The following PCCA variants were observed in gnomAD, a reference collection of about 807,000 sequenced individuals.
PCCA encodes the protein propionyl-CoA carboxylase alpha chain, mitochondrial.
In PCCA, 74 loss-of-function variants were observed where a neutral mutation model predicts 101.3. That is an observed-to-expected ratio of 0.73 (90% CI 0.61 to 0.89). The LOEUF is 0.89. Among genes scored for constraint, PCCA ranks in the 40% least tolerant of loss-of-function variants. PCCA has a pLI of 0.00. For synonymous variants in PCCA, 294 were observed against 313.6 expected, an observed-to-expected ratio of 0.94 and a Z score of 0.66; for missense variants, 891 against 907.0, an observed-to-expected ratio of 0.98 and a Z score of 0.23.
At chr13:100,385,704 C>T (rs911448951) in intron 19 of PCCA, among the ~76,000 whole-genome samples, 5 of 152,142 alleles carry the variant, frequency 3.3e-5, no homozygotes, top group Admixed American at 6.5e-5. Flanking sequence ...CTGACTGCAA[C>T]GTCGGCCTCC....
chr13:100,192,225 A>G (rs1384836012), intron 6 of PCCA, among the ~76,000 whole-genome samples: 1 of 152,194 alleles, frequency 6.6e-6, no homozygotes, highest in African/African-American at 2.4e-5. Context: ...TTCAATTGCC[A>G]TTAGTTTCCC....
intron 12 of PCCA, among the ~76,000 whole-genome samples, chr13:100,288,423 G>C (rs2064860817): frequency 6.6e-6 from 1 of 152,102 alleles, no homozygotes; most frequent in Non-Finnish European, 1.5e-5. Flanking sequence ...CAGCCGCCCA[G>C]GTAGCTGGGA....
At chr13:100,184,779 G>A (rs1307476726) in intron 6 of PCCA, among the ~76,000 whole-genome samples, 1 of 152,000 alleles carries the variant, frequency 6.6e-6, no homozygotes, top group African/African-American at 2.4e-5. Flanking sequence ...CTCTGCTTTT[G>A]ATTTTTTTCA....
chr13:100,125,824 A>T (rs2049899261), intron 4 of PCCA, among the ~76,000 whole-genome samples: 1 of 152,184 alleles, frequency 6.6e-6, no homozygotes, highest in Admixed American at 6.5e-5. Flanking sequence ...ATTTTTGGGT[A>T]AAATGGAATA....
chr13:100,190,648 C>T (rs2057677151), intron 6 of PCCA, among the ~76,000 whole-genome samples: 1 of 152,058 alleles, frequency 6.6e-6, no homozygotes, highest in Non-Finnish European at 1.5e-5. Flanking sequence ...GCACTCCAGC[C>T]TGGGCGACAG....
chr13:100,299,343 T>G (rs935795714), intron 12 of PCCA, among the ~76,000 whole-genome samples: 1 of 152,226 alleles, frequency 6.6e-6, no homozygotes, highest in Non-Finnish European at 1.5e-5. Flanking sequence ...CACAATAAAT[T>G]TGGATCTTGA....
At chr13:100,386,774 C>T (rs566061835) in intron 19 of PCCA, among the ~76,000 whole-genome samples, 1 of 152,302 alleles carries the variant, frequency 6.6e-6, no homozygotes, top group South Asian at 2.1e-4. Flanking sequence ...CACAGAATAT[C>T]TTTGGAAGGA....
At chr13:100,341,634 A>G (rs1418314352) in intron 18 of PCCA, among the ~76,000 whole-genome samples, 2 of 152,152 alleles carry the variant, frequency 1.3e-5, no homozygotes, top group African/African-American at 4.8e-5. Flanking sequence ...ATTTGTCTGG[A>G]GGGATATGTG....
At chr13:100,115,922 A>G (rs2048754317) in intron 4 of PCCA, among the ~76,000 whole-genome samples, 2 of 152,204 alleles carry the variant, frequency 1.3e-5, no homozygotes, top group Admixed American at 1.3e-4. Context: ...TTCTCTTACT[A>G]TGACCTACTT....
At chr13:100,302,810 A>T (rs993010059) in intron 13 of PCCA, 114 bp from the exon 14 acceptor site, 1 of 746,836 alleles carries the variant, frequency 1.3e-6, no homozygotes, top group African/African-American at 1.7e-5. Flanking sequence ...TGATTTGGTA[A>T]ATACCATATG....
chr13:100,169,964 T>C (rs367917734), intron 6 of PCCA, among the ~76,000 whole-genome samples: 75 of 152,270 alleles, frequency 4.9e-4, no homozygotes, highest in African/African-American at 1.7e-3. Flanking sequence ...CCTCCGGAAG[T>C]GCTGGGATTA....
intron 6 of PCCA, chr13:100,161,668 T>TA (rs398117815): frequency 1.3e-5 from 2 of 152,024 alleles, no homozygotes; most frequent in African/African-American, 2.4e-5. Context: ...ACTTTTTTTT[T>TA]ATTTGAGTAG....
chr13:100,265,754 G>T (rs989478152), intron 10 of PCCA, among the ~76,000 whole-genome samples: 1 of 151,802 alleles, frequency 6.6e-6, no homozygotes, highest in African/African-American at 2.4e-5. Context: ...CTTTCTGACA[G>T]AATTTTACTC....
chr13:100,307,105 A>G (rs1226644353), intron 14 of PCCA, 87 bp from the exon 15 acceptor site: 3 of 858,508 alleles, frequency 3.5e-6, no homozygotes, highest in Admixed American at 2.0e-5. Context: ...TTCTCTATCC[A>G]TTTTCTCCAT....
chr13:100,392,011 G>A (rs562695972), intron 19 of PCCA, among the ~76,000 whole-genome samples: 1 of 152,094 alleles, frequency 6.6e-6, no homozygotes, highest in Admixed American at 6.5e-5. Flanking sequence ...CACTTAAGAT[G>A]GTGTTCATTT....
chr13:100,453,177 G>A (rs374896822), intron 21 of PCCA, among the ~76,000 whole-genome samples: 2 of 152,094 alleles, frequency 1.3e-5, no homozygotes, highest in East Asian at 3.9e-4. Flanking sequence ...GTGAGACCCT[G>A]TACCCTGTCT....
At chr13:100,263,969 G>C (rs888871927) in intron 10 of PCCA, among the ~76,000 whole-genome samples, 13 of 145,596 alleles carry the variant, frequency 8.9e-5, no homozygotes, top group African/African-American at 3.0e-4. Flanking sequence ...TCATATATAC[G>C]GTATCTGTAT....
chr13:100,347,897 C>A (rs1427933229), intron 18 of PCCA, among the ~76,000 whole-genome samples: 2 of 151,984 alleles, frequency 1.3e-5, no homozygotes, highest in Non-Finnish European at 2.9e-5. Flanking sequence ...ATTGCTACAC[C>A]CTATAACAGT....
rs558748217 is a variant in PCCA, at chr13:100,127,619, G to A, written c.300+15558G>A. On this transcript the variant is annotated intron_variant, in intron 4 of 23. Coordinates refer to ENST00000376285, the MANE Select transcript of PCCA (RefSeq NM_000282.4). The stretch of plus-strand genomic sequence containing the variant: ...ATAATAAAAGATTTGAGGGCCGGGC[G>A]TGGTGGCTCACGCCCGTAATCCCAG... Among the ~76,000 whole-genome samples, 10 of 152,280 alleles carry A rather than the reference G, an allele frequency of 6.6e-5. No individual in the cohort carries two copies. The South Asian group carries it at 8.3e-4, about 13-fold the overall frequency.
Sources: gnomAD v4.1 joint callset for allele counts (sites outside exome capture counted in the v4.1 genomes callset) on GRCh38, gnomAD v4.1.1 for gene constraint, MANE v1.5 for transcripts, NCBI Gene and HGNC (gene_info 2026-07-23, HGNC 2026-07-21) for gene names.